Variants in IL1RAPL1 observed in about 807,000 individuals in gnomAD.
IL1RAPL1 encodes the protein interleukin-1 receptor accessory protein-like 1.
In IL1RAPL1, 3 loss-of-function variants were observed where a neutral mutation model predicts 48.4. That is an observed-to-expected ratio of 0.06 (90% CI 0.03 to 0.16). The LOEUF is 0.16. Ranked by LOEUF, IL1RAPL1 falls within the 10% of genes least tolerant of loss-of-function variation. The probability of loss-of-function intolerance (pLI) is 1.00; values close to 1 mark genes in which losing one functional copy is unlikely to be tolerated. For synonymous variants in IL1RAPL1, 185 were observed against 187.7 expected (o/e 0.99, Z 0.12); for missense variants, 349 against 530.6 (o/e 0.66, Z 3.36).
intron 3 of IL1RAPL1, among the ~76,000 whole-genome samples, chrX:29,337,660 A>G (rs1933014987): frequency 9.0e-6 from 1 of 111,310 alleles, no homozygotes; most frequent in African/African-American, 3.3e-5. Flanking sequence ...GGCTTAAAAC[A>G]ATATCTGACA....
chrX:29,456,542 C>T (rs1219061452), intron 5 of IL1RAPL1, among the ~76,000 whole-genome samples: 2 of 110,712 alleles, frequency 1.8e-5, no homozygotes, highest in East Asian at 2.8e-4. Context: ...TTCATTAAAA[C>T]ATGTGTTGAA....
intron 6 of IL1RAPL1, among the ~76,000 whole-genome samples, chrX:29,913,124 G>A (rs1932770841): frequency 9.0e-6 from 1 of 111,158 alleles, no homozygotes; most frequent in Non-Finnish European, 1.9e-5. Context: ...AAGGCCCCTG[G>A]TTAGAGACTC....
chrX:29,058,492 C>T (rs1187326405), intron 2 of IL1RAPL1, among the ~76,000 whole-genome samples: 2 of 112,199 alleles, frequency 1.8e-5, no homozygotes, highest in African/African-American at 6.5e-5. Flanking sequence ...CCAATATATA[C>T]ATTTCTGAAT....
chrX:29,909,884 G>A (rs1444969721), intron 6 of IL1RAPL1, among the ~76,000 whole-genome samples: 2 of 111,520 alleles, frequency 1.8e-5, no homozygotes, highest in African/African-American at 6.5e-5. Flanking sequence ...GCTACCATTG[G>A]ACCCAGCATC....
intron 5 of IL1RAPL1, among the ~76,000 whole-genome samples, chrX:29,589,675 TATTA>T (rs1470123134): frequency 2.7e-5 from 3 of 111,509 alleles, no homozygotes; most frequent in African/African-American, 9.8e-5. Flanking sequence ...TGCTATTATA[TATTA>T]ATTAGTAGGA....
At chrX:28,591,130 G>A (rs914758417) in intron 1 of IL1RAPL1, among the ~76,000 whole-genome samples, 5 of 111,316 alleles carry the variant, frequency 4.5e-5, no homozygotes, top group African/African-American at 9.8e-5. Flanking sequence ...TTTGTCAGCC[G>A]CAGTCATGTA....
At chrX:28,888,389 C>A (rs1922693191) in intron 2 of IL1RAPL1, among the ~76,000 whole-genome samples, 1 of 112,174 alleles carries the variant, frequency 8.9e-6, no homozygotes, top group Middle Eastern at 4.7e-3. Flanking sequence ...CCACTTTAGC[C>A]TTAGCAGGTA....
At chrX:28,871,388 C>A (rs1320210540) in intron 2 of IL1RAPL1, among the ~76,000 whole-genome samples, 1 of 111,818 alleles carries the variant, frequency 8.9e-6, no homozygotes, top group Non-Finnish European at 1.9e-5. Context: ...ATAGTAGGAA[C>A]AGGATAAGCT....
intron 2 of IL1RAPL1, among the ~76,000 whole-genome samples, chrX:28,935,864 T>A (rs1009070786): frequency 1.8e-5 from 2 of 112,002 alleles, no homozygotes; most frequent in African/African-American, 6.5e-5. Flanking sequence ...ACTATAGTGA[T>A]CTTGTGAGTC....
At chrX:28,762,823 C>CACACACACACACACACACGCACACAG (rs1268556014) in intron 1 of IL1RAPL1, among the ~76,000 whole-genome samples, 1 of 36,788 alleles carries the variant, frequency 2.7e-5, no homozygotes, top group African/African-American at 7.6e-5. Flanking sequence ...CACACACACA[C>CACACACACACACACACACGCACACAG]AGAGAGAGAG....
At chrX:29,725,488 G>A (rs1287553214) in intron 6 of IL1RAPL1, among the ~76,000 whole-genome samples, 3 of 110,965 alleles carry the variant, frequency 2.7e-5, no homozygotes, top group East Asian at 2.8e-4. Flanking sequence ...ACACACGATC[G>A]GCCTCCTAAC....
At chrX:29,334,157 C>T (rs1186031342) in intron 3 of IL1RAPL1, among the ~76,000 whole-genome samples, 2 of 73,561 alleles carry the variant, frequency 2.7e-5, no homozygotes, top group African/African-American at 1.2e-4. Context: ...CGGGCAGAGG[C>T]GCCCCTCACC....
At chrX:28,888,381 A>G (rs942535443) in intron 2 of IL1RAPL1, among the ~76,000 whole-genome samples, 2 of 111,942 alleles carry the variant, frequency 1.8e-5, no homozygotes, top group Admixed American at 9.5e-5. Flanking sequence ...CCCTCACCCC[A>G]CTTTAGCCTT....
chrX:29,411,438 C>T (rs5972037), intron 5 of IL1RAPL1, among the ~76,000 whole-genome samples: 42,723 of 110,775 alleles, frequency 0.39, 6,555 homozygotes, highest in Middle Eastern at 0.56. Context: ...TTCTGGCTGC[C>T]CTATTGCTGT....
intron 6 of IL1RAPL1, among the ~76,000 whole-genome samples, chrX:29,764,726 G>A (rs1418399259): frequency 8.9e-6 from 1 of 112,203 alleles, no homozygotes. Flanking sequence ...TGAAATAATA[G>A]GAAAAACACT....
intron 5 of IL1RAPL1, among the ~76,000 whole-genome samples, chrX:29,552,912 G>A (rs1385761260): frequency 1.0e-5 from 1 of 96,602 alleles, no homozygotes; most frequent in Non-Finnish European, 2.0e-5. Context: ...GCTCATCAAA[G>A]GCATTCTTTA....
chrX:29,718,218 C>T lies in IL1RAPL1; in HGVS notation c.778+49714C>T, dbSNP rs756585834. The stretch of plus-strand genomic sequence containing the variant: ...GTTATAGAAGCAGTATAGGAAAGGG[C>T]GATAAAGCTACAGAATGTGCTCTCA... On this transcript the variant is annotated intron_variant, in intron 6 of 10. Transcript: ENST00000378993. 9.0e-5 allele frequency among the ~76,000 whole-genome samples: 10 copies of T among 110,658 alleles called. No individual in the cohort carries two copies. The South Asian group carries it at 1.5e-3, about 17-fold the overall frequency.
At chrX:29,191,666 A>G (rs976424334) in intron 2 of IL1RAPL1, among the ~76,000 whole-genome samples, 30 of 111,825 alleles carry the variant, frequency 2.7e-4, no homozygotes, top group Non-Finnish European at 4.9e-4. Context: ...TAAAGGGGGC[A>G]GCAGAGTGTT....
chrX:29,029,171 AC>A (rs1926560672), intron 2 of IL1RAPL1, among the ~76,000 whole-genome samples: 1 of 110,436 alleles, frequency 9.1e-6, no homozygotes, highest in Non-Finnish European at 1.9e-5. Context: ...GGGAGAAACC[AC>A]CCCCATGATC....
Sources: gnomAD v4.1 joint callset for allele counts (sites outside exome capture counted in the v4.1 genomes callset) on GRCh38, gnomAD v4.1.1 for gene constraint, MANE v1.5 for transcripts, NCBI Gene and HGNC (gene_info 2026-07-23, HGNC 2026-07-21) for gene names.